ZNF621: variants seen among roughly 807,000 people sequenced by gnomAD.
ZNF621 encodes zinc finger protein 621.
A neutral mutation model predicts 12.7 loss-of-function variants in ZNF621; 6 were observed. The observed-to-expected ratio is 0.47, with a 90% CI of 0.26 to 0.93. The LOEUF (loss-of-function observed/expected upper bound fraction) is 0.93. ZNF621 is among the 40% of genes least tolerant of loss of function. The probability of loss-of-function intolerance (pLI) is 0.15; values close to 1 mark genes in which losing one functional copy is unlikely to be tolerated. For synonymous variants in ZNF621, 156 were observed against 190.3 expected, an observed-to-expected ratio of 0.82 and a Z score of 1.48; for missense variants, 474 against 524.0, an observed-to-expected ratio of 0.90 and a Z score of 0.93.
At position 40,532,519 on chromosome 3, in the gene ZNF621, A is replaced by G. The variant is rs1441397548; in HGVS notation, c.749A>G (p.Tyr250Cys). The change falls in exon 5 of 5, where the codon TAC becomes TGC. Residue 250 changes from tyrosine (Y) to cysteine (C), a missense_variant. By Grantham distance (194) the Tyr-to-Cys change is radical. Coordinates refer to ENST00000339296, the MANE Select transcript of ZNF621 (RefSeq NM_198484.5). Reference protein sequence around the residue: ...CGKAFRRSAAYLQHQRLHTGE... With the variant: ...CGKAFRRSAACLQHQRLHTGE... ...AAGGCTTTCCGTAGGAGTGCGGCAT[A>G]CCTGCAGCATCAGAGATTACACACG... 1 of 1,614,086 alleles carries G rather than the reference A, an allele frequency of 6.2e-7. No individual in the cohort carries two copies. Among genetic ancestry groups the G allele is most frequent in the African/African-American group, 1.3e-5 (1 of 74,908 alleles).
chr3:40,527,390 G>A (rs1303916994), intron 2 of ZNF621, among the ~76,000 whole-genome samples: 5 of 151,058 alleles, frequency 3.3e-5, no homozygotes, highest in African/African-American at 1.2e-4. Flanking sequence ...GGAGTGCAGT[G>A]GCATGATCTC....
In ZNF621 at chr3:40,535,361, A is replaced by G. The variant is rs1303813555; in HGVS notation, c.*2271A>G. 1 of 152,248 alleles carries G rather than the reference A, an allele frequency of 6.6e-6. No homozygotes were observed. The highest frequency in any genetic ancestry group is 1.5e-5 in the Non-Finnish European group (1 of 68,056). 9.4% of individuals were successfully genotyped at this position (152,248 alleles called of 1,614,324 possible). On this transcript the variant is annotated 3_prime_UTR_variant, in exon 5 of 5. Coordinates refer to ENST00000339296, the MANE Select transcript of ZNF621 (RefSeq NM_198484.5). ...TGATCAGCAGTAGACTGAAGAATCT[A>G]CCTTAGATTTGCTCCATACTATTAA...
At chr3:40,523,682 C>A (rs1441292540), upstream of ZNF621, among the ~76,000 whole-genome samples, 1 of 151,898 alleles carries the variant, frequency 6.6e-6, no homozygotes, top group Non-Finnish European at 1.5e-5. Context: ...AGGAGAATGG[C>A]GTGAACCCAG....
chr3:40,532,014 T>C lies in ZNF621; in HGVS notation c.260-16T>C. The C allele has an allele frequency of 6.3e-7, 1 of 1,581,748 alleles. No homozygotes were observed. The highest frequency in any genetic ancestry group is 2.2e-5 in the East Asian group (1 of 44,462). Reference sequence around the variant, plus strand: ...CCAGTTTTGTAACTAGGAACACTTGTGGTTTCTTTGGTCAGGTGGTGAGTC... The same window carrying C: ...CCAGTTTTGTAACTAGGAACACTTGCGGTTTCTTTGGTCAGGTGGTGAGTC... On this transcript the variant is annotated splice_polypyrimidine_tract_variant and intron_variant, in intron 4 of 4. Transcript: ENST00000339296.
In ZNF621 at chr3:40,532,873, T is replaced by C. The variant is rs540545286; in HGVS notation, c.1103T>C (p.Val368Ala). 12 of 1,609,462 alleles carry C rather than the reference T, an allele frequency of 7.5e-6. No individual in the cohort carries two copies. The Admixed American group carries it at 1.9e-4, about 25-fold the overall frequency. Residue 368 changes from valine (V) to alanine (A), a missense_variant, in exon 5 of 5, where the codon GTT becomes GCT. Transcript: ENST00000339296. The part of the protein sequence containing the change: ...PQCSSPAIPP[V>A]LLQGSCSASA... ...TGCTCCTCTCCAGCCATACCTCCTG[T>C]TCTTCTCCAGGGATCCTGTTCTGCT...
chr3:40,535,189 G>A lies in ZNF621; in HGVS notation c.*2099G>A, dbSNP rs1698837679. On this transcript the variant is annotated 3_prime_UTR_variant, in exon 5 of 5. Transcript: ENST00000339296. Reference sequence around the variant, plus strand: ...GCCAACTTGAGTTCGGAAGGGCTGTGGCCACCTCGTTTCGCCCATCTACTT... The same window carrying A: ...GCCAACTTGAGTTCGGAAGGGCTGTAGCCACCTCGTTTCGCCCATCTACTT... 6.6e-6 allele frequency: 1 copy of A among 152,196 alleles called. No homozygotes were observed. The highest frequency in any genetic ancestry group is 1.5e-5 in the Non-Finnish European group (1 of 68,056). The allele number at this position is 152,196 out of a possible 1,614,324, so 9.4% of individuals were successfully genotyped here. A position where few individuals can be genotyped will look rare whatever the true frequency, so the allele number is the denominator to read the frequency against.
upstream of ZNF621, chr3:40,524,862 G>A (rs2125670035): frequency 6.6e-6 from 1 of 152,474 alleles, no homozygotes; most frequent in South Asian, 2.1e-4. Flanking sequence ...CTCTTCCGCA[G>A]GGCGGGGCCA....
intron 1 of ZNF621, chr3:40,525,487 G>C (rs946278160): frequency 6.3e-6 from 3 of 476,038 alleles, no homozygotes; most frequent in Non-Finnish European, 1.1e-5. Flanking sequence ...GACTCTTTAC[G>C]TTTGTAGAGA....
At chr3:40,526,543 G>C (rs1283765858) in intron 2 of ZNF621, among the ~76,000 whole-genome samples, 1 of 152,182 alleles carries the variant, frequency 6.6e-6, no homozygotes, top group Non-Finnish European at 1.5e-5. Flanking sequence ...GACTAGTATT[G>C]TTGCTTTAAT....
chr3:40,528,587 G>A (rs1698641350), intron 2 of ZNF621, among the ~76,000 whole-genome samples: 1 of 152,186 alleles, frequency 6.6e-6, no homozygotes, highest in East Asian at 1.9e-4. Context: ...GTCTTCCAAA[G>A]TGGCTGTCCC....
Position 40,538,190 on chromosome 3 carries a change from C to A in ZNF621, c.*5100C>A. The A allele has an allele frequency of 2.8e-6, 1 of 359,614 alleles. No homozygotes were observed. Among genetic ancestry groups the A allele is most frequent in the Non-Finnish European group, 5.4e-6 (1 of 186,124 alleles). 22.3% of individuals were successfully genotyped at this position (359,614 alleles called of 1,614,324 possible). Reference sequence around the variant, plus strand: ...AGCATGGATTACTGAATATTTTAAGCCCACTGTTGAGACCTACTAAATATT... The same window carrying A: ...AGCATGGATTACTGAATATTTTAAGACCACTGTTGAGACCTACTAAATATT... On this transcript the variant is annotated 3_prime_UTR_variant, in exon 5 of 5. Transcript: ENST00000339296.
chr3:40,524,261 A>T (rs1409129789), upstream of ZNF621, among the ~76,000 whole-genome samples: 3 of 152,230 alleles, frequency 2.0e-5, no homozygotes. Context: ...AGTGCCAGTT[A>T]CTGAGCAGAA....
intron 1 of ZNF621, 43 bp from the exon 2 acceptor site, chr3:40,525,736 T>A: frequency 6.5e-7 from 1 of 1,535,914 alleles, no homozygotes; most frequent in Non-Finnish European, 9.0e-7. Flanking sequence ...CTGTAGGTGG[T>A]GGACGACAGG....
intron 2 of ZNF621, among the ~76,000 whole-genome samples, chr3:40,528,182 T>C (rs1698630813): frequency 6.6e-6 from 1 of 152,244 alleles, no homozygotes; most frequent in African/African-American, 2.4e-5. Flanking sequence ...CAACCATCAA[T>C]TGATTTTTGT....
chr3:40,533,418 G>A lies in ZNF621; in HGVS notation c.*328G>A. On this transcript the variant is annotated 3_prime_UTR_variant, in exon 5 of 5. Coordinates refer to ENST00000339296, the MANE Select transcript of ZNF621 (RefSeq NM_198484.5). ...GGCCCCCCAAAGTGCTGGGATTACA[G>A]GAGTGAGCCACTGTGCCCAGCCTCC... 1 of 280,354 alleles carries A rather than the reference G, an allele frequency of 3.6e-6. No homozygotes were observed. Among genetic ancestry groups the A allele is most frequent in the Non-Finnish European group, 6.7e-6 (1 of 148,208 alleles). 17.4% of individuals were successfully genotyped at this position (280,354 alleles called of 1,614,324 possible). A position where few individuals can be genotyped will look rare whatever the true frequency, so the allele number is the denominator to read the frequency against.
rs1195095135 is a variant in ZNF621, at chr3:40,534,530, C to A, written c.*1440C>A. 6.7e-6 allele frequency: 1 copy of A among 150,010 alleles called. No individual in the cohort carries two copies. Among genetic ancestry groups the A allele is most frequent in the Non-Finnish European group, 1.5e-5 (1 of 67,838 alleles). The allele number at this position is 150,010 out of a possible 1,614,324, so 9.3% of individuals were successfully genotyped here. A position where few individuals can be genotyped will look rare whatever the true frequency, so the allele number is the denominator to read the frequency against. ...GATGTTTCTCTATAGCAATTAATAG[C>A]AAAACCTTTACATTCTTGGTTTTTA... is the stretch of plus-strand genomic sequence containing the variant. On this transcript the variant is annotated 3_prime_UTR_variant, in exon 5 of 5. Coordinates refer to ENST00000339296, the MANE Select transcript of ZNF621 (RefSeq NM_198484.5).
chr3:40,529,473 A>G, intron 3 of ZNF621, 28 bp downstream of exon 3: 1 of 1,611,098 alleles, frequency 6.2e-7, no homozygotes. Context: ...GGCCCTTTGT[A>G]ACAGTTTGCT....
At position 40,532,980 on chromosome 3, in the gene ZNF621, A is replaced by T; in HGVS notation, c.1210A>T (p.Thr404Ser). 1 of 1,551,934 alleles carries T rather than the reference A, an allele frequency of 6.4e-7. No individual in the cohort carries two copies. The highest frequency in any genetic ancestry group is 1.2e-5 in the South Asian group (1 of 84,100). ...TGGGAATTTTTTCATGCTGCTGCCTACATCTGGAATACCTTCTTCATCTGC... is the reference window on the plus strand; with the variant it reads ...TGGGAATTTTTTCATGCTGCTGCCTTCATCTGGAATACCTTCTTCATCTGC... ...TSGNFFMLLP[T>S]SGIPSSSAQI... is the part of the protein sequence containing the mutation. Residue 404 changes from threonine to serine, a missense_variant, in exon 5 of 5, where the codon ACA becomes TCA. Physicochemically the swap from Thr to Ser is moderately conservative, Grantham distance 58. Transcript: ENST00000339296.
At position 40,533,281 on chromosome 3, in the gene ZNF621, C is replaced by A; in HGVS notation, c.*191C>A. The A allele has an allele frequency of 1.1e-6, 1 of 919,342 alleles. No homozygotes were observed. The highest frequency in any genetic ancestry group is 1.6e-6 in the Non-Finnish European group (1 of 640,834). The allele number at this position is 919,342 out of a possible 1,614,324, so 56.9% of individuals were successfully genotyped here. On this transcript the variant is annotated 3_prime_UTR_variant, in exon 5 of 5. Transcript: ENST00000339296. The stretch of plus-strand genomic sequence containing the variant: ...TCAGACTCTCGAATAGCTGGGATTA[C>A]AGGCACGCCTCACCACGCCCAGCTA...
Sources: gnomAD v4.1 joint callset for allele counts (sites outside exome capture counted in the v4.1 genomes callset) on GRCh38, gnomAD v4.1.1 for gene constraint, MANE v1.5 for transcripts, NCBI Gene and HGNC (gene_info 2026-07-23, HGNC 2026-07-21) for gene names.